The following IQGAP2 variants were observed in gnomAD, a reference collection of about 807,000 sequenced individuals.
IQGAP2 encodes the protein IQ motif containing GTPase activating protein 2.
IQGAP2 carries 173 observed loss-of-function variants against 201.3 expected under a neutral mutation model. The ratio of observed to expected loss-of-function variants is 0.86; its 90% CI spans 0.76 to 0.98. The LOEUF is 0.98. Among genes scored for constraint, IQGAP2 ranks in the 50% least tolerant of loss-of-function variants. The pLI is 0.00. For missense variants in IQGAP2, 1,687 were observed against 1,864.8 expected (o/e 0.90, Z 1.76); for synonymous variants, 675 against 673.9 (o/e 1.00, Z -0.03).
chr5:76,578,319 CTT>C (rs77800513), intron 5 of IQGAP2, among the ~76,000 whole-genome samples: 26 of 148,402 alleles, frequency 1.8e-4, no homozygotes, highest in East Asian at 4.0e-4. Flanking sequence ...TGGATGGCAT[CTT>C]TTTTTTTTTT....
chr5:76,490,690 G>T (rs1756483496), intron 2 of IQGAP2, among the ~76,000 whole-genome samples: 1 of 152,082 alleles, frequency 6.6e-6, no homozygotes, highest in African/African-American at 2.4e-5. Context: ...ATAACACCCA[G>T]CAAGGAACTG....
intron 12 of IQGAP2, chr5:76,607,442 T>G (rs1378913841): frequency 6.6e-6 from 1 of 152,210 alleles, no homozygotes; most frequent in Non-Finnish European, 1.5e-5. Context: ...ACTGTTACAC[T>G]GATCCCTGGA....
At chr5:76,702,621 A>G (rs1221252291) in intron 35 of IQGAP2, 31 bp downstream of exon 35, 1 of 972,880 alleles carries the variant, frequency 1.0e-6, no homozygotes, top group East Asian at 2.4e-5. Context: ...CACATTGATG[A>G]TAAATTTTAT....
At chr5:76,444,729 C>CT (rs1404993731) in intron 1 of IQGAP2, among the ~76,000 whole-genome samples, 2 of 152,202 alleles carry the variant, frequency 1.3e-5, no homozygotes, top group Non-Finnish European at 2.9e-5. Context: ...TTAAAATTAT[C>CT]TTGGCAGTCG....
rs1561416646 is a variant in IQGAP2 at position 76,496,767 on chromosome 5, TTCTTTCTTTCTTTCTTTCTTTCTTTC to T, written c.146+35114_146+35139del. ...TTTCTTTCTTTCTTTCTTTCTTTCT[TTCTTTCTTTCTTTCTTTCTTTCTTTC>T]TCTTTCTTTCTTTCTCTTTCTTTCT... On this transcript the variant is annotated intron_variant, in intron 2 of 35. Coordinates refer to ENST00000274364, the MANE Select transcript of IQGAP2 (RefSeq NM_006633.5). 5.6e-3 allele frequency among the ~76,000 whole-genome samples: 676 copies of T among 121,022 alleles called. 11 individuals carry two copies. Among genetic ancestry groups the T allele is most frequent in the African/African-American group, 0.024 (596 of 25,154 alleles). The allele number at this position is 121,022 out of a possible 152,430, so 79.4% of individuals were successfully genotyped here.
At chr5:76,426,550 C>T (rs921708707) in intron 1 of IQGAP2, among the ~76,000 whole-genome samples, 28 of 152,330 alleles carry the variant, frequency 1.8e-4, no homozygotes, top group African/African-American at 5.5e-4. Context: ...AACAGTTGCT[C>T]GAGCTCTTCA....
chr5:76,552,293 T>G (rs1383991989), intron 2 of IQGAP2, among the ~76,000 whole-genome samples: 1 of 152,170 alleles, frequency 6.6e-6, no homozygotes, highest in Non-Finnish European at 1.5e-5. Context: ...GCCAATTAGA[T>G]CTGTGAGTCC....
At chr5:76,607,689 G>A (rs940562844) in intron 12 of IQGAP2, 23 of 152,264 alleles carry the variant, frequency 1.5e-4, no homozygotes, top group African/African-American at 5.6e-4. Flanking sequence ...ACATCATCAG[G>A]TGGGGGTTGG....
chr5:76,686,648 TACA>T (rs1364198778), intron 30 of IQGAP2, among the ~76,000 whole-genome samples: 2 of 152,172 alleles, frequency 1.3e-5, no homozygotes, highest in Non-Finnish European at 2.9e-5. Flanking sequence ...TAGCTGGGAC[TACA>T]GGTGTCTGCC....
chr5:76,688,140 A>T (rs1186866390), intron 30 of IQGAP2, among the ~76,000 whole-genome samples: 2 of 152,238 alleles, frequency 1.3e-5, no homozygotes. Context: ...GAGATTCATT[A>T]GAGAACCAAA....
At chr5:76,520,216 G>A (rs1364197778) in intron 2 of IQGAP2, among the ~76,000 whole-genome samples, 3 of 151,856 alleles carry the variant, frequency 2.0e-5, no homozygotes, top group Non-Finnish European at 4.4e-5. Flanking sequence ...TAAGATGTAA[G>A]GTATAAGTTA....
intron 2 of IQGAP2, among the ~76,000 whole-genome samples, chr5:76,463,123 TAAA>T (rs5868826): frequency 8.5e-5 from 9 of 105,676 alleles, no homozygotes; most frequent in East Asian, 2.8e-4. Context: ...ACGCTGTCTT[TAAA>T]AAAAAAAAAA....
chr5:76,663,234 A>G (rs1361289887), intron 21 of IQGAP2, among the ~76,000 whole-genome samples: 1 of 152,188 alleles, frequency 6.6e-6, no homozygotes, highest in African/African-American at 2.4e-5. Context: ...CCAGGGTGAT[A>G]GACGCTGGTA....
At chr5:76,411,647 G>A (rs114240878) in intron 1 of IQGAP2, among the ~76,000 whole-genome samples, 1,643 of 152,190 alleles carry the variant, frequency 0.011, 31 homozygotes, top group African/African-American at 0.036. Flanking sequence ...GCCATGTTAC[G>A]GTGCAGTAAG....
At chr5:76,564,894 G>T (rs558692180) in intron 3 of IQGAP2, among the ~76,000 whole-genome samples, 1 of 152,262 alleles carries the variant, frequency 6.6e-6, no homozygotes, top group East Asian at 1.9e-4. Context: ...TGGCGTGGGA[G>T]CCCATCCTTG....
intron 29 of IQGAP2, among the ~76,000 whole-genome samples, 157 bp from the exon 30 acceptor site, chr5:76,683,618 AG>A (rs902712945): frequency 6.6e-5 from 10 of 152,246 alleles, no homozygotes; most frequent in African/African-American, 2.4e-4. Context: ...ATATTTTAAA[AG>A]CCACTTTAGC....
intron 2 of IQGAP2, among the ~76,000 whole-genome samples, chr5:76,543,442 T>C (rs1456818806): frequency 6.6e-6 from 1 of 152,208 alleles, no homozygotes; most frequent in African/African-American, 2.4e-5. Flanking sequence ...AGAGCCTAGG[T>C]GGACCGGCCT....
intron 2 of IQGAP2, among the ~76,000 whole-genome samples, chr5:76,468,181 C>G (rs1754888538): frequency 6.6e-6 from 1 of 152,040 alleles, no homozygotes; most frequent in Non-Finnish European, 1.5e-5. Flanking sequence ...CCTTAGGAAG[C>G]TGTTAAATAA....
intron 1 of IQGAP2, among the ~76,000 whole-genome samples, chr5:76,422,067 G>T (rs1751759801): frequency 6.6e-6 from 1 of 152,144 alleles, no homozygotes; most frequent in Non-Finnish European, 1.5e-5. Flanking sequence ...AAGGTGTTTA[G>T]ACAATTCCAA....
Sources: allele counts gnomAD v4.1 joint callset (sites outside exome capture counted in the v4.1 genomes callset), GRCh38; gene constraint gnomAD v4.1.1; transcripts MANE v1.5; gene names NCBI Gene and HGNC (gene_info 2026-07-23, HGNC 2026-07-21).